The following CHD9 variants were observed in gnomAD, a reference collection of about 807,000 sequenced individuals.
The protein encoded by CHD9 is ATP-dependent chromatin remodeler CHD9.
In CHD9, 77 loss-of-function variants were observed where a neutral mutation model predicts 316.1. The observed-to-expected ratio is 0.24, with a 90% CI of 0.20 to 0.29. CHD9 has a LOEUF of 0.29. Ranked by LOEUF, CHD9 falls within the 10% of genes least tolerant of loss-of-function variation. The pLI, the probability that CHD9 is intolerant of heterozygous loss-of-function variation, is 1.00. For synonymous variants in CHD9, 1,129 were observed against 1,158.3 expected (o/e 0.97, Z 0.51); for missense variants, 2,763 against 3,438.1 (o/e 0.80, Z 4.91).
chr16:53,281,188 A>G (rs550286102), intron 24 of CHD9, among the ~76,000 whole-genome samples: 2 of 152,288 alleles, frequency 1.3e-5, no homozygotes, highest in South Asian at 4.1e-4. Context: ...GTTTGAAGCC[A>G]TTAGTCAACT....
At chr16:53,302,047 G>A (rs564436788) in intron 30 of CHD9, among the ~76,000 whole-genome samples, 1 of 151,932 alleles carries the variant, frequency 6.6e-6, no homozygotes, top group Non-Finnish European at 1.5e-5. Flanking sequence ...GCAGGCATGA[G>A]CCACTGCGCC....
At chr16:53,084,515 C>A (rs970139928) in intron 1 of CHD9, among the ~76,000 whole-genome samples, 2 of 152,210 alleles carry the variant, frequency 1.3e-5, no homozygotes, top group South Asian at 4.1e-4. Context: ...GAGGCCAAGG[C>A]GGGTGGATCA....
intron 5 of CHD9, among the ~76,000 whole-genome samples, 161 bp downstream of exon 5, chr16:53,226,673 T>A (rs546685340): frequency 5.9e-5 from 9 of 152,218 alleles, no homozygotes; most frequent in Non-Finnish European, 1.2e-4. Flanking sequence ...AGGGATTCAT[T>A]CTCTCTTCAT....
chr16:53,304,059 A>C lies in CHD9; in HGVS notation c.6053A>C (p.Gln2018Pro). ...AGGACTTCTACCCCACTTCTACAGC[A>C]ATATCAAGTAGCACTTTCTGCTTCT... ...HSRTSTPLLQ[Q>P]YQVALSASPL... is the part of the protein sequence containing the mutation. Residue 2018 changes from glutamine (Q) to proline (P), a missense_variant, in exon 31 of 39, where the codon CAA becomes CCA. This residue lies in a region of CHD9 where 663 missense variants were observed against 751.2 expected (regional missense o/e 0.88). Transcript: ENST00000447540. 6.2e-7 allele frequency: 1 copy of C among 1,614,020 alleles called. No individual in the cohort carries two copies. The highest frequency in any genetic ancestry group is 2.2e-5 in the East Asian group (1 of 44,888).
At chr16:53,077,437 C>T (rs948832046) in intron 1 of CHD9, among the ~76,000 whole-genome samples, 5 of 152,054 alleles carry the variant, frequency 3.3e-5, no homozygotes, top group African/African-American at 9.7e-5. Flanking sequence ...CATTCTCCCA[C>T]CTCAGCTTCC....
chr16:53,161,125 AAGTTTCCTATTACTTCT>A (rs1333144086), intron 2 of CHD9, among the ~76,000 whole-genome samples: 1 of 152,264 alleles, frequency 6.6e-6, no homozygotes, highest in East Asian at 1.9e-4. Context: ...CTCTGTTCTC[AAGTTTCCTATTACTTCT>A]TAGTTTAAAC....
At chr16:53,102,508 A>G (rs1321322158) in intron 1 of CHD9, among the ~76,000 whole-genome samples, 1 of 151,552 alleles carries the variant, frequency 6.6e-6, no homozygotes, top group African/African-American at 2.4e-5. Context: ...CTCACTCCAG[A>G]GTCTCTCTTC....
intron 22 of CHD9, among the ~76,000 whole-genome samples, chr16:53,271,437 C>T (rs2052251744): frequency 2.0e-5 from 3 of 152,086 alleles, no homozygotes; most frequent in Middle Eastern, 6.8e-3. Flanking sequence ...GCCATGGTGA[C>T]ATGTGCCTGT....
intron 1 of CHD9, among the ~76,000 whole-genome samples, chr16:53,111,227 G>T (rs1302969171): frequency 6.6e-6 from 1 of 152,084 alleles, no homozygotes; most frequent in East Asian, 1.9e-4. Flanking sequence ...CAGATTTTCA[G>T]CATGTGCCCC....
chr16:53,233,651 C>A (rs1357947228), intron 10 of CHD9, among the ~76,000 whole-genome samples: 1 of 152,122 alleles, frequency 6.6e-6, no homozygotes, highest in Non-Finnish European at 1.5e-5. Flanking sequence ...TTCCCCTTCT[C>A]CCCTCTAATC....
chr16:53,260,478 C>CA (rs879502561), intron 19 of CHD9, among the ~76,000 whole-genome samples: 60 of 144,714 alleles, frequency 4.1e-4, no homozygotes, highest in East Asian at 1.8e-3. Context: ...GACCTTTTCT[C>CA]AAAAAAAAAA....
intron 1 of CHD9, among the ~76,000 whole-genome samples, chr16:53,078,757 C>T (rs993765059): frequency 1.3e-5 from 2 of 152,228 alleles, no homozygotes; most frequent in Non-Finnish European, 1.5e-5. Flanking sequence ...ATTCCCCTAA[C>T]TCCTCATGGC....
intron 10 of CHD9, among the ~76,000 whole-genome samples, chr16:53,233,295 C>T (rs1267408732): frequency 1.3e-5 from 2 of 152,148 alleles, no homozygotes; most frequent in African/African-American, 2.4e-5. Context: ...TCAAGTTTTA[C>T]CGGTTTATTC....
At chr16:53,087,680 G>A (rs2035577715) in intron 1 of CHD9, among the ~76,000 whole-genome samples, 1 of 152,192 alleles carries the variant, frequency 6.6e-6, no homozygotes, top group Non-Finnish European at 1.5e-5. Flanking sequence ...GGACACAGTG[G>A]CTCATGCCTG....
chr16:53,250,242 T>C, intron 17 of CHD9, 176 bp downstream of exon 17: 1 of 585,688 alleles, frequency 1.7e-6, no homozygotes, highest in Non-Finnish European at 2.9e-6. Context: ...ATAAAAACTA[T>C]AATGACAAAA....
At position 53,231,792 on chromosome 16, in the gene CHD9, C is replaced by T. The variant is rs1228998934; in HGVS notation, c.2511+8C>T. The T allele has an allele frequency of 6.3e-7, 1 of 1,589,918 alleles. No homozygotes were observed. Among genetic ancestry groups the T allele is most frequent in the Admixed American group, 1.9e-5 (1 of 52,062 alleles). On this transcript the variant is annotated splice_region_variant and intron_variant, in intron 10 of 38. Coordinates refer to ENST00000447540, the MANE Select transcript of CHD9 (RefSeq NM_001308319.2). ...CCTGACACAAGACGTTTGGTAAGAACCTGTTTTAGACAGCTTTATAAAATC... is the reference window on the plus strand; with the variant it reads ...CCTGACACAAGACGTTTGGTAAGAATCTGTTTTAGACAGCTTTATAAAATC...
intron 2 of CHD9, among the ~76,000 whole-genome samples, chr16:53,200,830 A>C (rs996632718): frequency 6.6e-6 from 1 of 152,210 alleles, no homozygotes; most frequent in African/African-American, 2.4e-5. Flanking sequence ...CATCACCAAT[A>C]ATAAGACACT....
chr16:53,167,165 A>G (rs2042324824), intron 2 of CHD9, among the ~76,000 whole-genome samples: 1 of 152,148 alleles, frequency 6.6e-6, no homozygotes, highest in South Asian at 2.1e-4. Flanking sequence ...ATTGAGAAAT[A>G]CTTTTTAGTT....
At chr16:53,278,482 G>A (rs1440012970) in intron 24 of CHD9, among the ~76,000 whole-genome samples, 1 of 152,076 alleles carries the variant, frequency 6.6e-6, no homozygotes, top group Non-Finnish European at 1.5e-5. Context: ...CTTCAACAAA[G>A]CAAACAAAAA....
Sources: gnomAD v4.1 joint callset for allele counts (sites outside exome capture counted in the v4.1 genomes callset) on GRCh38, gnomAD v4.1.1 for gene constraint, gnomAD v4.1.1 regional missense constraint, MANE v1.5 for transcripts, NCBI Gene and HGNC (gene_info 2026-07-23, HGNC 2026-07-21) for gene names.